The following MAGI1 variants were observed in gnomAD, a reference collection of about 807,000 sequenced individuals.
MAGI1 encodes membrane associated guanylate kinase, WW and PDZ domain containing 1.
MAGI1 carries 58 observed loss-of-function variants against 139.9 expected under a neutral mutation model. The observed-to-expected ratio is 0.41, with a 90% confidence interval of 0.34 to 0.52. The LOEUF is 0.52. Among genes scored for constraint, MAGI1 ranks in the 20% least tolerant of loss-of-function variants. MAGI1 has a pLI of 0.12. For synonymous variants in MAGI1, 812 were observed against 737.9 expected (o/e 1.10, Z -1.63); for missense variants, 1,874 against 1,901.6 (o/e 0.99, Z 0.27).
intron 2 of MAGI1, among the ~76,000 whole-genome samples, chr3:65,516,494 A>G (rs1422866708): frequency 2.6e-4 from 39 of 151,840 alleles, no homozygotes; most frequent in Admixed American, 2.6e-3. Context: ...TCTCTTTTTA[A>G]AAGTATAATA....
intron 2 of MAGI1, among the ~76,000 whole-genome samples, chr3:65,547,452 A>C (rs1553665482): frequency 6.6e-6 from 1 of 152,082 alleles, no homozygotes; most frequent in Non-Finnish European, 1.5e-5. Flanking sequence ...AGGTTACCTT[A>C]TGATTTTTAT....
intron 2 of MAGI1, among the ~76,000 whole-genome samples, chr3:65,543,834 T>C (rs2079369329): frequency 6.6e-6 from 1 of 152,088 alleles, no homozygotes; most frequent in South Asian, 2.1e-4. Context: ...CAAACCACCA[T>C]GGCACGTGTA....
chr3:65,464,672 C>G (rs190382409), intron 5 of MAGI1, among the ~76,000 whole-genome samples: 18 of 152,164 alleles, frequency 1.2e-4, no homozygotes, highest in African/African-American at 3.6e-4. Flanking sequence ...TGAAATCATG[C>G]GTCATAGATA....
At chr3:65,771,182 C>T (rs986249542) in intron 1 of MAGI1, among the ~76,000 whole-genome samples, 31 of 151,872 alleles carry the variant, frequency 2.0e-4, no homozygotes, top group African/African-American at 7.5e-4. Flanking sequence ...TGGCATGCAC[C>T]TGTAGTCCCA....
At chr3:65,528,157 T>C (rs2078477107) in intron 2 of MAGI1, among the ~76,000 whole-genome samples, 1 of 152,168 alleles carries the variant, frequency 6.6e-6, no homozygotes, top group African/African-American at 2.4e-5. Context: ...TGAAACACCT[T>C]GAAAAAGGTG....
chr3:65,847,859 G>T (rs975697955), intron 1 of MAGI1, among the ~76,000 whole-genome samples: 6 of 152,306 alleles, frequency 3.9e-5, no homozygotes, highest in Middle Eastern at 6.8e-3. Flanking sequence ...CACAGAAATA[G>T]CAGAGCTGGG....
intron 1 of MAGI1, among the ~76,000 whole-genome samples, chr3:65,865,571 G>C (rs1187658361): frequency 6.6e-6 from 1 of 152,202 alleles, no homozygotes; most frequent in Non-Finnish European, 1.5e-5. Context: ...ATCCAGGCCT[G>C]GGTGACAGAG....
At chr3:65,969,310 T>C (rs991533462) in intron 1 of MAGI1, among the ~76,000 whole-genome samples, 2 of 152,202 alleles carry the variant, frequency 1.3e-5, no homozygotes, top group African/African-American at 4.8e-5. Context: ...TTCTCAAGTT[T>C]GGAAGTACTG....
At chr3:65,416,802 T>G (rs1946252875) in intron 12 of MAGI1, among the ~76,000 whole-genome samples, 1 of 152,176 alleles carries the variant, frequency 6.6e-6, no homozygotes, top group Non-Finnish European at 1.5e-5. Flanking sequence ...AGATTCTACC[T>G]GCAAGATGTT....
chr3:65,838,299 G>T (rs1036665877), intron 1 of MAGI1, among the ~76,000 whole-genome samples: 1 of 149,724 alleles, frequency 6.7e-6, no homozygotes, highest in African/African-American at 2.5e-5. Context: ...GTGACAGAGT[G>T]AGACTCAAAA....
At chr3:65,784,906 G>C (rs543397356) in intron 1 of MAGI1, among the ~76,000 whole-genome samples, 67 of 152,260 alleles carry the variant, frequency 4.4e-4, no homozygotes, top group African/African-American at 1.6e-3. Context: ...GTCCAGAATA[G>C]GCAAATCTGT....
intron 1 of MAGI1, among the ~76,000 whole-genome samples, chr3:65,964,640 T>G (rs1042152219): frequency 1.3e-5 from 2 of 152,236 alleles, no homozygotes; most frequent in African/African-American, 4.8e-5. Flanking sequence ...GGCAGGGCTA[T>G]CGCCCTTAAC....
At chr3:65,687,705 T>G in intron 1 of MAGI1, 2 of 525,528 alleles carry the variant, frequency 3.8e-6, no homozygotes, top group Admixed American at 3.9e-5. Context: ...AAGCTGTTGC[T>G]GCCCTGGGAA....
At chr3:65,912,821 T>C (rs2061725691) in intron 1 of MAGI1, among the ~76,000 whole-genome samples, 1 of 152,238 alleles carries the variant, frequency 6.6e-6, no homozygotes, top group South Asian at 2.1e-4. Flanking sequence ...TACCTGAGTC[T>C]ACAAGTGGAA....
intron 1 of MAGI1, among the ~76,000 whole-genome samples, chr3:65,815,615 A>T (rs1459658372): frequency 1.3e-5 from 2 of 152,252 alleles, no homozygotes; most frequent in Non-Finnish European, 2.9e-5. Flanking sequence ...TGTTATTTTA[A>T]AATAGCATAT....
At chr3:66,024,404 T>C (rs1199529002) in intron 1 of MAGI1, among the ~76,000 whole-genome samples, 1 of 149,562 alleles carries the variant, frequency 6.7e-6, no homozygotes, top group Non-Finnish European at 1.5e-5. Context: ...CCAATGTTCC[T>C]ACATGGCAGC....
intron 1 of MAGI1, among the ~76,000 whole-genome samples, chr3:65,916,444 T>C (rs543766642): frequency 6.3e-4 from 96 of 152,234 alleles, no homozygotes; most frequent in Non-Finnish European, 1.2e-3. Flanking sequence ...CTCACAATCA[T>C]GGCAGAAGGC....
chr3:65,688,970 C>G (rs1267773836), intron 1 of MAGI1, among the ~76,000 whole-genome samples: 4 of 152,152 alleles, frequency 2.6e-5, no homozygotes, highest in Non-Finnish European at 5.9e-5. Context: ...TCTGGAAAAA[C>G]AGACTGCAAG....
Position 65,825,945 on chromosome 3 carries a change from G to A in MAGI1, c.314-203857C>T, listed in dbSNP as rs191010614. On this transcript the variant is annotated intron_variant, in intron 1 of 22. Coordinates refer to ENST00000402939, the MANE Select transcript of MAGI1 (RefSeq NM_001033057.2). Reference sequence around the variant, plus strand: ...AGAGGTTGCAGTGAGCCAAGATCGTGCCACGCACTCCAGCCTGGGCGACAG... The same window carrying A: ...AGAGGTTGCAGTGAGCCAAGATCGTACCACGCACTCCAGCCTGGGCGACAG... Among the ~76,000 whole-genome samples the A allele has an allele frequency of 4.1e-3, 618 of 152,164 alleles. 1 individual carries two copies. The highest frequency in any genetic ancestry group is 5.4e-3 in the Non-Finnish European group (365 of 68,006).
Sources: allele counts gnomAD v4.1 joint callset (sites outside exome capture counted in the v4.1 genomes callset), GRCh38; gene constraint gnomAD v4.1.1; transcripts MANE v1.5; gene names NCBI Gene and HGNC (gene_info 2026-07-23, HGNC 2026-07-21).